Variants in PDSS2 observed in about 807,000 individuals in gnomAD.
PDSS2 encodes all trans-polyprenyl-diphosphate synthase PDSS2.
In PDSS2, 31 loss-of-function variants were observed where a neutral mutation model predicts 44.5. The ratio of observed to expected loss-of-function variants is 0.70; its 90% CI spans 0.52 to 0.94. The LOEUF (loss-of-function observed/expected upper bound fraction) is 0.94. Among genes scored for constraint, PDSS2 ranks in the 40% least tolerant of loss-of-function variants. The probability of loss-of-function intolerance (pLI) is 0.00; values close to 1 mark genes in which losing one functional copy is unlikely to be tolerated. For missense variants in PDSS2, 452 were observed against 482.2 expected, an observed-to-expected ratio of 0.94 and a Z score of 0.59; for synonymous variants, 157 against 180.3, an observed-to-expected ratio of 0.87 and a Z score of 1.03.
intron 1 of PDSS2, among the ~76,000 whole-genome samples, chr6:107,363,134 AAG>A (rs1464859268): frequency 6.6e-6 from 1 of 152,244 alleles, no homozygotes; most frequent in African/African-American, 2.4e-5. Context: ...ATAATGGGCA[AAG>A]ACTTACCAAA....
intron 7 of PDSS2, among the ~76,000 whole-genome samples, chr6:107,164,564 C>T (rs1771269300): frequency 6.6e-6 from 1 of 152,164 alleles, no homozygotes; most frequent in African/African-American, 2.4e-5. Context: ...TCCAGTCTAT[C>T]ATTGATGGAC....
chr6:107,272,694 A>G (rs1775642787), intron 3 of PDSS2, among the ~76,000 whole-genome samples: 1 of 152,184 alleles, frequency 6.6e-6, no homozygotes, highest in African/African-American at 2.4e-5. Flanking sequence ...CAAGAATACT[A>G]AAAATGTGGC....
At chr6:107,396,679 T>TTC (rs1779955898) in intron 1 of PDSS2, among the ~76,000 whole-genome samples, 1 of 43,352 alleles carries the variant, frequency 2.3e-5, no homozygotes, top group African/African-American at 9.4e-5. Context: ...TTCTTTTTTC[T>TTC]TTTTTTTTTT....
At chr6:107,442,881 C>T (rs996673398) in intron 1 of PDSS2, among the ~76,000 whole-genome samples, 8 of 152,172 alleles carry the variant, frequency 5.3e-5, no homozygotes, top group East Asian at 1.9e-4. Context: ...TTCCTCTATC[C>T]GCAAGAACAT....
At chr6:107,353,461 C>G (rs1350676989) in intron 1 of PDSS2, among the ~76,000 whole-genome samples, 1 of 152,206 alleles carries the variant, frequency 6.6e-6, no homozygotes, top group East Asian at 1.9e-4. Context: ...AATTACTCTC[C>G]TTCTGTAATT....
chr6:107,421,303 T>A (rs1202956212), intron 1 of PDSS2, among the ~76,000 whole-genome samples: 1 of 152,170 alleles, frequency 6.6e-6, no homozygotes, highest in Admixed American at 6.5e-5. Context: ...AAATTGAACA[T>A]ACACTTACCA....
chr6:107,339,873 A>G (rs1161651901), intron 1 of PDSS2, among the ~76,000 whole-genome samples: 1 of 152,196 alleles, frequency 6.6e-6, no homozygotes, highest in Non-Finnish European at 1.5e-5. Flanking sequence ...GAGCAATTCA[A>G]AGGTGCTGTG....
chr6:107,343,693 C>A (rs1268425307), intron 1 of PDSS2, among the ~76,000 whole-genome samples: 2 of 152,064 alleles, frequency 1.3e-5, no homozygotes, highest in Admixed American at 1.3e-4. Context: ...AATATGCATA[C>A]ATATATACAT....
At chr6:107,281,628 G>C (rs764792523) in intron 2 of PDSS2, among the ~76,000 whole-genome samples, 3 of 152,022 alleles carry the variant, frequency 2.0e-5, no homozygotes, top group Non-Finnish European at 2.9e-5. Context: ...GGGGCTAAAG[G>C]GTTTGTGATC....
At chr6:107,385,930 T>C (rs1779598413) in intron 1 of PDSS2, among the ~76,000 whole-genome samples, 1 of 152,140 alleles carries the variant, frequency 6.6e-6, no homozygotes, top group Admixed American at 6.5e-5. Flanking sequence ...AACATGTCTA[T>C]AGAAAAATCA....
chr6:107,412,332 G>A (rs187509258), intron 1 of PDSS2, among the ~76,000 whole-genome samples: 268 of 130,890 alleles, frequency 2.0e-3, no homozygotes, highest in Middle Eastern at 7.1e-3. Flanking sequence ...CTCCACCTCC[G>A]GGTTCAAGCG....
chr6:107,378,859 T>C (rs1382049587), intron 1 of PDSS2, among the ~76,000 whole-genome samples: 4 of 152,232 alleles, frequency 2.6e-5, no homozygotes, highest in Non-Finnish European at 5.9e-5. Flanking sequence ...ACTGGGGTTA[T>C]GAGTTTCTGG....
rs184142110 is a variant in PDSS2, at chr6:107,161,451, A to G, written c.1042-6674T>C. On this transcript the variant is annotated intron_variant, in intron 7 of 7. Transcript: ENST00000369037. ...GCCGAGATTGTGCCACTGCACTCCA[A>G]CCTGGGTGACAGAGCGAGACTCCGT... is the stretch of plus-strand genomic sequence containing the variant. Among the ~76,000 whole-genome samples, 287 of 150,884 alleles carry G rather than the reference A, an allele frequency of 1.9e-3. 1 individual carries two copies. The highest frequency in any genetic ancestry group is 6.2e-3 in the African/African-American group (255 of 41,244).
At chr6:107,187,811 G>C (rs573824953) in intron 7 of PDSS2, among the ~76,000 whole-genome samples, 49 of 152,312 alleles carry the variant, frequency 3.2e-4, no homozygotes, top group Non-Finnish European at 5.6e-4. Flanking sequence ...ATGTAAGCCT[G>C]TGCTAGGGAG....
intron 2 of PDSS2, among the ~76,000 whole-genome samples, chr6:107,320,124 A>T (rs891468708): frequency 3.3e-5 from 5 of 152,188 alleles, no homozygotes; most frequent in Admixed American, 1.3e-4. Flanking sequence ...ATTTTTACAT[A>T]GCCTGCTGCA....
intron 3 of PDSS2, among the ~76,000 whole-genome samples, chr6:107,257,847 C>T (rs996761177): frequency 6.6e-6 from 1 of 152,098 alleles, no homozygotes; most frequent in African/African-American, 2.4e-5. Context: ...AAACTCCTGG[C>T]CTCAAGTGAT....
chr6:107,429,937 T>TAC (rs1554280500), intron 1 of PDSS2, among the ~76,000 whole-genome samples: 10 of 99,650 alleles, frequency 1.0e-4, no homozygotes, highest in African/African-American at 2.9e-4. Flanking sequence ...TATATATATA[T>TAC]ACACCAAACC....
At chr6:107,296,650 C>T (rs1776518586) in intron 2 of PDSS2, among the ~76,000 whole-genome samples, 1 of 152,164 alleles carries the variant, frequency 6.6e-6, no homozygotes. Flanking sequence ...TCACTTGAAT[C>T]CAGGAGGCGG....
chr6:107,336,818 G>A (rs1777907568), intron 1 of PDSS2, among the ~76,000 whole-genome samples: 1 of 141,890 alleles, frequency 7.0e-6, no homozygotes, highest in Non-Finnish European at 1.5e-5. Context: ...AAGAAAAAGA[G>A]GTGTGTGGTG....
Sources: allele counts gnomAD v4.1 joint callset (sites outside exome capture counted in the v4.1 genomes callset), GRCh38; gene constraint gnomAD v4.1.1; transcripts MANE v1.5; gene names NCBI Gene and HGNC (gene_info 2026-07-23, HGNC 2026-07-21).